RNF212B: variants seen among roughly 807,000 people sequenced by gnomAD.
RNF212B encodes ring finger protein 212B, also known as E3 ubiquitin-protein ligase RNF212B.
A neutral mutation model predicts 55.5 loss-of-function variants in RNF212B; 52 were observed. That is an observed-to-expected ratio of 0.94 (90% CI 0.75 to 1.18). RNF212B has a LOEUF of 1.18. RNF212B is among the 50% of genes most tolerant of loss of function. The pLI, the probability that RNF212B is intolerant of heterozygous loss-of-function variation, is 0.00. For synonymous variants in RNF212B, 99 were observed against 121.4 expected (o/e 0.82, Z 1.21); for missense variants, 289 against 350.4 (o/e 0.82, Z 1.40).
At chr14:23,272,104 T>C (rs1886135035) in intron 14 of RNF212B, among the ~76,000 whole-genome samples, 2 of 152,230 alleles carry the variant, frequency 1.3e-5, no homozygotes, top group South Asian at 4.2e-4. Context: ...CATGAGTTCA[T>C]TATACTATTC....
intron 1 of RNF212B, among the ~76,000 whole-genome samples, chr14:23,238,397 G>A (rs559551865): frequency 6.6e-6 from 1 of 151,826 alleles, no homozygotes; most frequent in Non-Finnish European, 1.5e-5. Flanking sequence ...TAAATCTTAC[G>A]AAGTTTGTAT....
intron 4 of RNF212B, among the ~76,000 whole-genome samples, chr14:23,248,346 G>C (rs73602428): frequency 0.088 from 13,231 of 149,570 alleles, 1,269 homozygotes; most frequent in African/African-American, 0.24. Flanking sequence ...ATGTTGCCCA[G>C]GTCTCGAACC....
chr14:23,194,826 C>T (rs956645477), intron 2 of RNF212B, among the ~76,000 whole-genome samples: 45 of 150,746 alleles, frequency 3.0e-4, no homozygotes, highest in Non-Finnish European at 7.4e-5. Flanking sequence ...AATTAGCAAG[C>T]TTGATCTAAC....
intron 1 of RNF212B, among the ~76,000 whole-genome samples, chr14:23,188,556 T>C (rs117343942): frequency 0.045 from 6,887 of 151,566 alleles, 187 homozygotes; most frequent in Non-Finnish European, 0.061. Context: ...AACCTTGAAC[T>C]TCTGGGTTCA....
At chr14:23,256,376 A>G (rs1407230731) in intron 4 of RNF212B, among the ~76,000 whole-genome samples, 1 of 146,526 alleles carries the variant, frequency 6.8e-6, no homozygotes, top group Admixed American at 6.8e-5. Flanking sequence ...CCACTGTTTA[A>G]TTTTTTTTTT....
chr14:23,248,804 A>G (rs147848715), intron 4 of RNF212B, among the ~76,000 whole-genome samples: 136 of 152,222 alleles, frequency 8.9e-4, no homozygotes, highest in African/African-American at 3.1e-3. Flanking sequence ...TGACATAATC[A>G]CCTCCTAAAG....
intron 2 of RNF212B, among the ~76,000 whole-genome samples, chr14:23,208,757 G>GTTTTT (rs1166613606): frequency 0.024 from 2,395 of 97,960 alleles, 206 homozygotes; most frequent in East Asian, 0.042. Flanking sequence ...GCTGGTTGCC[G>GTTTTT]TTTTTTTTTT....
At chr14:23,198,570 G>A (rs1878963067) in intron 2 of RNF212B, among the ~76,000 whole-genome samples, 1 of 152,002 alleles carries the variant, frequency 6.6e-6, no homozygotes, top group South Asian at 2.1e-4. Flanking sequence ...CAGCCACTAG[G>A]GAAGCTGAAG....
At chr14:23,233,741 CAAAAAAAAA>C (rs761783082), upstream of RNF212B, among the ~76,000 whole-genome samples, 3 of 77,586 alleles carry the variant, frequency 3.9e-5, no homozygotes, top group South Asian at 5.0e-4. Flanking sequence ...GACCCTGTCT[CAAAAAAAAA>C]AAAAAAAAAA....
chr14:23,262,844 G>T, intron 8 of RNF212B, 84 bp from the exon 9 acceptor site: 2 of 1,459,934 alleles, frequency 1.4e-6, no homozygotes, highest in Non-Finnish European at 1.9e-6. Context: ...TATATAACCA[G>T]ATAACCATGT....
chr14:23,230,917 A>T (rs1412166683), intron 2 of RNF212B, among the ~76,000 whole-genome samples: 1 of 152,188 alleles, frequency 6.6e-6, no homozygotes, highest in Non-Finnish European at 1.5e-5. Context: ...GTCAAAAATC[A>T]ACTGACCATA....
chr14:23,232,645 G>A (rs1882763552), intron 2 of RNF212B, among the ~76,000 whole-genome samples: 1 of 151,318 alleles, frequency 6.6e-6, no homozygotes, highest in African/African-American at 2.4e-5. Context: ...AGGGAGTTGG[G>A]GGGTCAGCCC....
intron 4 of RNF212B, among the ~76,000 whole-genome samples, chr14:23,249,178 G>A (rs1266944075): frequency 2.0e-5 from 3 of 152,272 alleles, no homozygotes; most frequent in South Asian, 4.1e-4. Flanking sequence ...TACATATACT[G>A]TTGGAATAAA....
intron 2 of RNF212B, among the ~76,000 whole-genome samples, chr14:23,221,244 A>T (rs1322826853): frequency 6.6e-6 from 1 of 151,920 alleles, no homozygotes; most frequent in African/African-American, 2.4e-5. Flanking sequence ...AAAAAAAAAA[A>T]AAAAGAAAGA....
At chr14:23,214,540 T>C (rs1251246345) in intron 2 of RNF212B, among the ~76,000 whole-genome samples, 1 of 151,660 alleles carries the variant, frequency 6.6e-6, no homozygotes, top group East Asian at 1.9e-4. Flanking sequence ...ATTAATTTAA[T>C]TTAAAAAAAG....
intron 2 of RNF212B, among the ~76,000 whole-genome samples, chr14:23,232,603 C>A (rs1566415099): frequency 6.7e-6 from 1 of 148,888 alleles, no homozygotes; most frequent in Non-Finnish European, 1.5e-5. Context: ...GTTGGGGGGT[C>A]AGCCCCCGCC....
At chr14:23,271,268 G>A (rs562463061) in intron 14 of RNF212B, among the ~76,000 whole-genome samples, 6 of 151,936 alleles carry the variant, frequency 3.9e-5, no homozygotes, top group East Asian at 1.9e-4. Flanking sequence ...GTAAAACCCC[G>A]TCTCTCTCTA....
chr14:23,265,035 G>A (rs1885585378), intron 11 of RNF212B, among the ~76,000 whole-genome samples: 1 of 152,184 alleles, frequency 6.6e-6, no homozygotes, highest in African/African-American at 2.4e-5. Flanking sequence ...TGCCCAGGCT[G>A]ATCTCGAACT....
intron 2 of RNF212B, among the ~76,000 whole-genome samples, chr14:23,202,017 G>A (rs772858094): frequency 2.6e-5 from 4 of 152,126 alleles, no homozygotes; most frequent in Non-Finnish European, 5.9e-5. Context: ...TTGTGAGGCC[G>A]AGGTGGGTGG....
Sources: allele counts gnomAD v4.1 joint callset (sites outside exome capture counted in the v4.1 genomes callset), GRCh38; gene constraint gnomAD v4.1.1; transcripts MANE v1.5; gene names NCBI Gene and HGNC (gene_info 2026-07-23, HGNC 2026-07-21).